CCDC178: variants seen among roughly 807,000 people sequenced by gnomAD.
The protein encoded by CCDC178 is coiled-coil domain-containing protein 178.
A neutral mutation model predicts 117.4 loss-of-function variants in CCDC178; 126 were observed. The observed-to-expected ratio is 1.07, with a 90% CI of 0.93 to 1.24. The LOEUF (loss-of-function observed/expected upper bound fraction) is 1.24. Among genes scored for constraint, CCDC178 ranks in the 50% most tolerant of loss-of-function variants. The probability of loss-of-function intolerance (pLI) is 0.00; values close to 1 mark genes in which losing one functional copy is unlikely to be tolerated. For missense variants in CCDC178, 1,030 were observed against 986.9 expected, an observed-to-expected ratio of 1.04 and a Z score of -0.59; for synonymous variants, 283 against 313.4, an observed-to-expected ratio of 0.90 and a Z score of 1.02.
rs551885502 is a variant in CCDC178 at position 33,226,855 on chromosome 18, C to T, written c.1594G>A (p.Gly532Ser). 6.5e-7 allele frequency: 1 copy of T among 1,542,554 alleles called. No individual in the cohort carries two copies. Among genetic ancestry groups the T allele is most frequent in the African/African-American group, 1.4e-5 (1 of 72,220 alleles). ...KIAEVRRKFK[G>S]REEFLKKLTQ... ...AGTTTTTTCAGGAATTCTTCTCTAC[C>T]CTATATGTTAGGAAATTTTTAAAAT... Residue 532 changes from glycine (G) to serine (S), a missense_variant and splice_region_variant, in exon 16 of 23, where the codon GGT (glycine) becomes AGT (serine). Coordinates refer to ENST00000383096, the MANE Select transcript of CCDC178 (RefSeq NM_001105528.4).
intron 20 of CCDC178, among the ~76,000 whole-genome samples, chr18:33,116,207 G>A (rs1437175659): frequency 6.6e-6 from 1 of 152,000 alleles, no homozygotes. Context: ...CTACCACCAG[G>A]GAAATTTGGG....
chr18:33,240,301 G>A (rs1294090662), intron 15 of CCDC178, among the ~76,000 whole-genome samples: 1 of 151,528 alleles, frequency 6.6e-6, no homozygotes, highest in African/African-American at 2.4e-5. Flanking sequence ...AAATAAAAAT[G>A]TAATGATCTC....
intron 5 of CCDC178, among the ~76,000 whole-genome samples, chr18:33,378,243 G>A (rs1006980430): frequency 2.6e-5 from 4 of 152,142 alleles, no homozygotes; most frequent in Admixed American, 6.6e-5. Context: ...GGCTTTCAGC[G>A]TGAACATTCT....
intron 20 of CCDC178, among the ~76,000 whole-genome samples, chr18:33,123,260 T>C (rs1056335370): frequency 1.3e-5 from 2 of 152,134 alleles, no homozygotes; most frequent in Non-Finnish European, 2.9e-5. Flanking sequence ...ACAACAATCC[T>C]GTTTGCCTTG....
chr18:33,024,092 T>G (rs1325391594), intron 21 of CCDC178, among the ~76,000 whole-genome samples: 1 of 152,180 alleles, frequency 6.6e-6, no homozygotes, highest in African/African-American at 2.4e-5. Flanking sequence ...GAAGATTGAA[T>G]CCATAATTTG....
chr18:32,964,911 CCT>C (rs1190688477), intron 22 of CCDC178, among the ~76,000 whole-genome samples: 2 of 151,918 alleles, frequency 1.3e-5, no homozygotes. Flanking sequence ...CATATGCCCC[CCT>C]CTCTATTTTG....
intron 15 of CCDC178, among the ~76,000 whole-genome samples, chr18:33,243,485 G>A (rs1452162147): frequency 6.6e-6 from 1 of 151,586 alleles, no homozygotes; most frequent in Non-Finnish European, 1.5e-5. Flanking sequence ...ATACATGTAT[G>A]GCAATATCAC....
chr18:33,088,443 ATCT>A (rs757606317), intron 21 of CCDC178, among the ~76,000 whole-genome samples: 52 of 152,114 alleles, frequency 3.4e-4, no homozygotes, highest in Non-Finnish European at 1.2e-4. Flanking sequence ...ATCTATTTAG[ATCT>A]TCTTTGATTT....
At chr18:33,318,722 G>C (rs188559887) in intron 11 of CCDC178, among the ~76,000 whole-genome samples, 2 of 151,986 alleles carry the variant, frequency 1.3e-5, no homozygotes, top group Admixed American at 1.3e-4. Context: ...AGAATATCTT[G>C]AAAAATAAAA....
chr18:33,320,554 C>T (rs2062492267), intron 11 of CCDC178, among the ~76,000 whole-genome samples: 1 of 152,080 alleles, frequency 6.6e-6, no homozygotes, highest in Non-Finnish European at 1.5e-5. Context: ...AAGGACTCTT[C>T]AAGGAGAACT....
At chr18:33,125,885 G>C (rs1409521746) in intron 20 of CCDC178, among the ~76,000 whole-genome samples, 1 of 152,196 alleles carries the variant, frequency 6.6e-6, no homozygotes, top group East Asian at 1.9e-4. Context: ...TGGATGGGTA[G>C]TGGCCTGAGA....
intron 3 of CCDC178, among the ~76,000 whole-genome samples, chr18:33,410,788 T>C (rs1424568266): frequency 6.6e-6 from 1 of 152,160 alleles, no homozygotes; most frequent in Non-Finnish European, 1.5e-5. Flanking sequence ...TTCTGTGATT[T>C]GCTTTGATCA....
chr18:33,050,013 G>A (rs564615487), intron 21 of CCDC178, among the ~76,000 whole-genome samples: 8 of 152,098 alleles, frequency 5.3e-5, no homozygotes, highest in African/African-American at 1.7e-4. Flanking sequence ...CCCGGGAGGC[G>A]GAGTTTGCCG....
chr18:33,025,323 G>C (rs1322224130), intron 21 of CCDC178, among the ~76,000 whole-genome samples: 1 of 152,060 alleles, frequency 6.6e-6, no homozygotes, highest in African/African-American at 2.4e-5. Context: ...AATATCTTTG[G>C]GATCTAGAGG....
intron 10 of CCDC178, among the ~76,000 whole-genome samples, chr18:33,327,762 C>T (rs527500878): frequency 1.3e-5 from 2 of 152,020 alleles, no homozygotes; most frequent in Admixed American, 6.6e-5. Context: ...GAAGATATGT[C>T]TATCTGTTCA....
At chr18:33,257,672 T>C (rs1408231885) in intron 14 of CCDC178, among the ~76,000 whole-genome samples, 2 of 152,104 alleles carry the variant, frequency 1.3e-5, no homozygotes, top group Admixed American at 6.6e-5. Flanking sequence ...ACTTTTCATG[T>C]TCTCCATTGT....
intron 9 of CCDC178, 102 bp downstream of exon 9, chr18:33,346,109 A>G: frequency 3.6e-6 from 3 of 829,110 alleles, no homozygotes; most frequent in Non-Finnish European, 5.6e-6. Flanking sequence ...TACAGGCATG[A>G]GCCATGGCAC....
At chr18:33,164,567 T>C (rs2058505661) in intron 20 of CCDC178, among the ~76,000 whole-genome samples, 1 of 151,652 alleles carries the variant, frequency 6.6e-6, no homozygotes, top group Non-Finnish European at 1.5e-5. Context: ...ATAAATAACA[T>C]ATTTTTTGTG....
intron 22 of CCDC178, among the ~76,000 whole-genome samples, chr18:32,947,729 T>A (rs573272377): frequency 6.6e-6 from 1 of 152,244 alleles, no homozygotes; most frequent in African/African-American, 2.4e-5. Context: ...TAAAATCCAA[T>A]TTATTATTTT....
Sources: allele counts gnomAD v4.1 joint callset (sites outside exome capture counted in the v4.1 genomes callset), GRCh38; gene constraint gnomAD v4.1.1; transcripts MANE v1.5; gene names NCBI Gene and HGNC (gene_info 2026-07-23, HGNC 2026-07-21).